Variants in TMEFF2 observed in about 807,000 individuals in gnomAD.
TMEFF2 encodes tomoregulin-2.
TMEFF2 carries 28 observed loss-of-function variants against 53.8 expected under a neutral mutation model. The observed-to-expected ratio is 0.52, with a 90% CI of 0.39 to 0.71. The LOEUF is 0.71. Ranked by LOEUF, TMEFF2 falls within the 30% of genes least tolerant of loss-of-function variation. The pLI is 0.00. For missense variants in TMEFF2, 353 were observed against 455.2 expected, an observed-to-expected ratio of 0.78 and a Z score of 2.04; for synonymous variants, 162 against 166.3, an observed-to-expected ratio of 0.97 and a Z score of 0.20.
At chr2:192,007,158 CACT>C (rs1686518054) in intron 5 of TMEFF2, among the ~76,000 whole-genome samples, 1 of 152,080 alleles carries the variant, frequency 6.6e-6, no homozygotes, top group African/African-American at 2.4e-5. Context: ...GTTTAATGTA[CACT>C]ATTCAGTGAC....
At chr2:191,985,922 C>T (rs1033360516) in intron 7 of TMEFF2, among the ~76,000 whole-genome samples, 3 of 152,188 alleles carry the variant, frequency 2.0e-5, no homozygotes, top group Non-Finnish European at 4.4e-5. Context: ...CAGTATTGCA[C>T]ATTCCTGTCC....
At chr2:191,968,796 C>A (rs775140979) in intron 7 of TMEFF2, among the ~76,000 whole-genome samples, 2 of 152,128 alleles carry the variant, frequency 1.3e-5, no homozygotes, top group African/African-American at 4.8e-5. Context: ...TTTGGAGGAA[C>A]ATTTTGTGGG....
chr2:192,052,595 T>C (rs1687798404), intron 5 of TMEFF2, among the ~76,000 whole-genome samples: 1 of 152,116 alleles, frequency 6.6e-6, no homozygotes, highest in Non-Finnish European at 1.5e-5. Context: ...CTTTATTACT[T>C]TGCAATGAGT....
Position 191,949,166 on chromosome 2 carries a change from A to AT in TMEFF2, c.*1144dup, listed in dbSNP as rs1028236707. 6.1e-6 allele frequency: 6 copies of AT among 985,266 alleles called. No individual in the cohort carries two copies. The highest frequency in any genetic ancestry group is 7.2e-6 in the Non-Finnish European group (6 of 829,866). The allele number at this position is 985,266 out of a possible 1,614,324, so 61.0% of individuals were successfully genotyped here. A position where few individuals can be genotyped will look rare whatever the true frequency, so the allele number is the denominator to read the frequency against. ...TATTCCTTGAGAATTTTCACAGCTT[A>AT]TTTTTTCCAGATCAAGTTGTGATAC... On this transcript the variant is annotated 3_prime_UTR_variant, in exon 10 of 10. Transcript: ENST00000272771.
intron 4 of TMEFF2, among the ~76,000 whole-genome samples, chr2:192,129,594 T>C (rs1689763485): frequency 6.6e-6 from 1 of 152,182 alleles, no homozygotes; most frequent in African/African-American, 2.4e-5. Flanking sequence ...TTCAGAAATA[T>C]TAAATATGAA....
chr2:192,106,538 G>A (rs554919937), intron 4 of TMEFF2, among the ~76,000 whole-genome samples: 32 of 151,660 alleles, frequency 2.1e-4, no homozygotes, highest in East Asian at 3.9e-4. Flanking sequence ...AAAGATGTCC[G>A]TGATTTACCC....
intron 2 of TMEFF2, among the ~76,000 whole-genome samples, chr2:192,186,661 T>C (rs1415207517): frequency 6.6e-6 from 1 of 152,176 alleles, no homozygotes; most frequent in Non-Finnish European, 1.5e-5. Context: ...TAACATCTCA[T>C]GCTTGAGGCC....
chr2:191,964,315 C>CTTTCTTTCTTT lies in TMEFF2; in HGVS notation c.746-7938_746-7937insAAAGAAAGAAA, dbSNP rs1559063225. ...TCTTTCCTTCTTTCCTTCTTTCTTT[C>CTTTCTTTCTTT]CTTCCTTCCTTTCTTTCCTTCTTTC... On this transcript the variant is annotated intron_variant, in intron 7 of 9. Coordinates refer to ENST00000272771, the MANE Select transcript of TMEFF2 (RefSeq NM_016192.4). Among the ~76,000 whole-genome samples the CTTTCTTTCTTT allele has an allele frequency of 3.0e-5, 4 of 133,154 alleles. 1 individual carries two copies. Among genetic ancestry groups the CTTTCTTTCTTT allele is most frequent in the African/African-American group, 1.2e-4 (4 of 32,288 alleles). 87.4% of individuals were successfully genotyped at this position (133,154 alleles called of 152,430 possible).
intron 4 of TMEFF2, among the ~76,000 whole-genome samples, chr2:192,117,710 G>T (rs1018655671): frequency 6.6e-6 from 1 of 151,774 alleles, no homozygotes; most frequent in South Asian, 2.1e-4. Flanking sequence ...CCTCTGATTG[G>T]TTTCTATCTC....
chr2:192,058,044 A>T (rs757458656), intron 4 of TMEFF2, among the ~76,000 whole-genome samples: 2 of 152,252 alleles, frequency 1.3e-5, no homozygotes, highest in African/African-American at 2.4e-5. Flanking sequence ...GATTCATCAA[A>T]ATTATTTGCC....
chr2:192,136,536 A>C (rs1333275191), intron 4 of TMEFF2, among the ~76,000 whole-genome samples: 1 of 152,222 alleles, frequency 6.6e-6, no homozygotes, highest in Admixed American at 6.5e-5. Flanking sequence ...GTTTCCATTT[A>C]AATTGAGTGT....
intron 4 of TMEFF2, among the ~76,000 whole-genome samples, chr2:192,164,092 C>A (rs1333547489): frequency 1.3e-5 from 2 of 152,112 alleles, no homozygotes; most frequent in African/African-American, 4.8e-5. Flanking sequence ...CACACAGATG[C>A]CAGAGCAATC....
chr2:191,999,482 CAT>C (rs1478102823), intron 5 of TMEFF2, among the ~76,000 whole-genome samples: 4 of 151,978 alleles, frequency 2.6e-5, no homozygotes. Context: ...ACTTTTAAAA[CAT>C]GTACATAAAT....
intron 5 of TMEFF2, among the ~76,000 whole-genome samples, chr2:192,039,073 TA>T: frequency 6.6e-6 from 1 of 152,160 alleles, no homozygotes; most frequent in Admixed American, 6.5e-5. Context: ...AACATTATAG[TA>T]GAAGACTTTA....
chr2:192,192,115 C>A, intron 1 of TMEFF2, 126 bp from the exon 2 acceptor site: 1 of 623,998 alleles, frequency 1.6e-6, no homozygotes, highest in Admixed American at 2.8e-5. Context: ...AGCTGTACTG[C>A]AAGGTCACTG....
intron 5 of TMEFF2, among the ~76,000 whole-genome samples, chr2:192,022,294 C>T (rs964965943): frequency 6.6e-6 from 1 of 152,202 alleles, no homozygotes; most frequent in African/African-American, 2.4e-5. Flanking sequence ...TCATCCTCAT[C>T]ATTGAAGTTG....
At chr2:191,998,381 A>T in intron 6 of TMEFF2, 60 bp from the exon 7 acceptor site, 1 of 1,232,864 alleles carries the variant, frequency 8.1e-7, no homozygotes, top group Non-Finnish European at 1.2e-6. Flanking sequence ...CTAATATCAA[A>T]CTTATATATT....
At chr2:191,988,912 C>T (rs1407657105) in intron 7 of TMEFF2, among the ~76,000 whole-genome samples, 2 of 152,084 alleles carry the variant, frequency 1.3e-5, no homozygotes, top group Non-Finnish European at 2.9e-5. Context: ...ATAATTAGTA[C>T]ATTCACTCTG....
intron 4 of TMEFF2, among the ~76,000 whole-genome samples, chr2:192,110,995 T>A (rs919475666): frequency 7.2e-5 from 11 of 152,184 alleles, no homozygotes; most frequent in African/African-American, 2.7e-4. Context: ...CCTTTTGCCA[T>A]GATTGTGAGG....
Sources: gnomAD v4.1 joint callset for allele counts (sites outside exome capture counted in the v4.1 genomes callset) on GRCh38, gnomAD v4.1.1 for gene constraint, MANE v1.5 for transcripts, NCBI Gene and HGNC (gene_info 2026-07-23, HGNC 2026-07-21) for gene names.